EPS15: variants seen among roughly 807,000 people sequenced by gnomAD.
EPS15 encodes epidermal growth factor receptor substrate 15.
EPS15 carries 72 observed loss-of-function variants against 113.8 expected under a neutral mutation model. That is an observed-to-expected ratio of 0.63 (90% CI 0.52 to 0.77). The LOEUF is 0.77. Among genes scored for constraint, EPS15 ranks in the 30% least tolerant of loss-of-function variants. The pLI, the probability that EPS15 is intolerant of heterozygous loss-of-function variation, is 0.00. For missense variants in EPS15, 1,048 were observed against 1,045.8 expected (o/e 1.00, Z -0.03); for synonymous variants, 344 against 363.4 (o/e 0.95, Z 0.61).
At chr1:51,393,947 A>G (rs1647648643) in intron 21 of EPS15, among the ~76,000 whole-genome samples, 1 of 152,220 alleles carries the variant, frequency 6.6e-6, no homozygotes. Flanking sequence ...TGAAGTATGA[A>G]GACTGGATGC....
intron 9 of EPS15, among the ~76,000 whole-genome samples, chr1:51,447,784 G>C (rs1443932410): frequency 6.6e-6 from 1 of 152,150 alleles, no homozygotes; most frequent in Non-Finnish European, 1.5e-5. Context: ...AGGAATATCT[G>C]TCTTCTCTGG....
intron 19 of EPS15, among the ~76,000 whole-genome samples, chr1:51,400,269 G>C (rs199624526): frequency 6.6e-6 from 1 of 152,128 alleles, no homozygotes; most frequent in South Asian, 2.1e-4. Context: ...TATAATCTTA[G>C]GAAAACAAAA....
intron 4 of EPS15, 43 bp from the exon 5 acceptor site, chr1:51,468,611 C>A: frequency 8.1e-7 from 1 of 1,229,138 alleles, no homozygotes; most frequent in Non-Finnish European, 1.2e-6. Flanking sequence ...TCTCCCTCTA[C>A]CAACTTACCT....
intron 1 of EPS15, among the ~76,000 whole-genome samples, chr1:51,512,490 CA>C (rs1012294320): frequency 2.0e-5 from 3 of 149,702 alleles, no homozygotes; most frequent in Non-Finnish European, 3.0e-5. Flanking sequence ...ATGCCAAAAA[CA>C]AAAAAAAATT....
At position 51,409,743 on chromosome 1, in the gene EPS15, G is replaced by T. The variant is rs756194508; in HGVS notation, c.1114-47C>A. The T allele has an allele frequency of 8.8e-6, 12 of 1,362,036 alleles. No individual in the cohort carries two copies. In the East Asian group the frequency reaches 9.2e-5, roughly 10 times the overall value. The allele number at this position is 1,362,036 out of a possible 1,614,324, so 84.4% of individuals were successfully genotyped here. A position where few individuals can be genotyped will look rare whatever the true frequency, so the allele number is the denominator to read the frequency against. ...ATATTTATTTTCTTTGCGGGCAGGGGAGGGTTAAGTTAGTAATTTTAAATC... is the reference window on the plus strand; with the variant it reads ...ATATTTATTTTCTTTGCGGGCAGGGTAGGGTTAAGTTAGTAATTTTAAATC... On this transcript the variant is annotated intron_variant, in intron 13 of 24. Transcript: ENST00000371733.
chr1:51,406,074 T>A lies in EPS15; in HGVS notation c.1508A>T (p.Glu503Val). The A allele has an allele frequency of 6.2e-7, 1 of 1,613,952 alleles. No homozygotes were observed. Among genetic ancestry groups the A allele is most frequent in the Non-Finnish European group, 8.5e-7 (1 of 1,179,942 alleles). The change falls in exon 16 of 25, where the codon GAA becomes GTA. Residue 503 changes from glutamate (E) to valine (V), a missense_variant. Transcript: ENST00000371733. The part of the protein sequence containing the change: ...QMKLMEMKDL[E>V]NHNSQLNWCS... ...CCAATTTAACTGACTATTATGATTT[T>A]CCAAATCTTTCATTTCCATCAGTTT...
In EPS15 at chr1:51,468,588, A is replaced by C. The variant is rs367768532; in HGVS notation, c.214-20T>G. On this transcript the variant is annotated intron_variant, in intron 4 of 24. Coordinates refer to ENST00000371733, the MANE Select transcript of EPS15 (RefSeq NM_001981.3). ...GAATTCCTAAGAAAGAAAAGTATGAATGTTAAGAGCATTCTCCCTCTACCA... is the reference window on the plus strand; with the variant it reads ...GAATTCCTAAGAAAGAAAAGTATGACTGTTAAGAGCATTCTCCCTCTACCA... 3.3e-6 allele frequency: 5 copies of C among 1,534,296 alleles called. No individual in the cohort carries two copies. The African/African-American group carries it at 4.1e-5, about 13-fold the overall frequency.
At chr1:51,505,434 T>A (rs978199812) in intron 1 of EPS15, among the ~76,000 whole-genome samples, 9 of 152,208 alleles carry the variant, frequency 5.9e-5, no homozygotes, top group African/African-American at 2.2e-4. Context: ...GTATATGTAT[T>A]ATATTATTCC....
At chr1:51,405,881 AG>A (rs1649072665) in intron 16 of EPS15, 23 bp downstream of exon 16, 1 of 1,596,088 alleles carries the variant, frequency 6.3e-7, no homozygotes. Context: ...TTGATTATGA[AG>A]GTTATGAAAG....
intron 12 of EPS15, among the ~76,000 whole-genome samples, chr1:51,435,524 G>T (rs985397322): frequency 6.6e-6 from 1 of 152,122 alleles, no homozygotes; most frequent in Non-Finnish European, 1.5e-5. Context: ...TTCAAAATAA[G>T]CTATTATTCA....
In EPS15 at chr1:51,461,169, GA is replaced by G; in HGVS notation, c.502-20del. The G allele has an allele frequency of 1.3e-6, 2 of 1,532,892 alleles. No individual in the cohort carries two copies. Among genetic ancestry groups the G allele is most frequent in the Non-Finnish European group, 1.8e-6 (2 of 1,107,484 alleles). 95.0% of individuals were successfully genotyped at this position (1,532,892 alleles called of 1,614,324 possible). A position where few individuals can be genotyped will look rare whatever the true frequency, so the allele number is the denominator to read the frequency against. On this transcript the variant is annotated intron_variant, in intron 7 of 24. Coordinates refer to ENST00000371733, the MANE Select transcript of EPS15 (RefSeq NM_001981.3). ...CCCAAACCTTAAAAAGAGAATAATT[GA>G]AAAAAGATTAATGTTCTTTCAGTTC... is the stretch of plus-strand genomic sequence containing the variant.
Position 51,365,960 on chromosome 1 carries a change from A to G in EPS15, c.2189T>C (p.Leu730Ser), listed in dbSNP as rs750681383. Residue 730 changes from leucine to serine, a missense_variant, in exon 22 of 25, where the codon TTG becomes TCG. Leu to Ser is a moderately radical substitution (Grantham distance 145). Coordinates refer to ENST00000371733, the MANE Select transcript of EPS15 (RefSeq NM_001981.3). ...FGGGFADFST[L>S]SKVNNEDPFR... ...TTAATTACTGTAGATTACCTTTGAC[A>G]ATGTGCTGAAGTCAGCAAATCCACC... 7 of 1,605,324 alleles carry G rather than the reference A, an allele frequency of 4.4e-6. No homozygotes were observed. Among genetic ancestry groups the G allele is most frequent in the Non-Finnish European group, 6.0e-6 (7 of 1,173,668 alleles).
intron 1 of EPS15, among the ~76,000 whole-genome samples, chr1:51,494,047 A>G (rs1294529220): frequency 6.6e-6 from 1 of 152,096 alleles, no homozygotes; most frequent in Non-Finnish European, 1.5e-5. Context: ...ACCCTACATC[A>G]AATTTAGTAA....
chr1:51,370,578 C>T (rs1646622650), intron 21 of EPS15, among the ~76,000 whole-genome samples: 1 of 151,178 alleles, frequency 6.6e-6, no homozygotes, highest in African/African-American at 2.4e-5. Context: ...ATTTACTATA[C>T]TATAGTTTTT....
chr1:51,421,895 A>AC, intron 12 of EPS15, 37 bp from the exon 13 acceptor site: 1 of 1,609,862 alleles, frequency 6.2e-7, no homozygotes, highest in Non-Finnish European at 8.5e-7. Context: ...ATATTTTAGA[A>AC]CATCAGCTAC....
At chr1:51,489,650 T>G (rs954831321) in intron 1 of EPS15, among the ~76,000 whole-genome samples, 5 of 152,106 alleles carry the variant, frequency 3.3e-5, no homozygotes, top group African/African-American at 1.2e-4. Flanking sequence ...CTCTCTCTCT[T>G]TAAGAGTAGT....
chr1:51,480,420 T>G (rs1159595027), intron 2 of EPS15, among the ~76,000 whole-genome samples: 1 of 152,256 alleles, frequency 6.6e-6, no homozygotes, highest in Non-Finnish European at 1.5e-5. Flanking sequence ...TAGAAACTGA[T>G]AGCGATGCAA....
At chr1:51,387,291 A>G (rs896228721) in intron 21 of EPS15, among the ~76,000 whole-genome samples, 14 of 152,060 alleles carry the variant, frequency 9.2e-5, no homozygotes, top group South Asian at 4.2e-4. Flanking sequence ...TCACCACCAG[A>G]CCTGCCCTAA....
chr1:51,359,357 T>C (rs1308537796), intron 24 of EPS15, among the ~76,000 whole-genome samples: 1 of 150,242 alleles, frequency 6.7e-6, no homozygotes, highest in Non-Finnish European at 1.5e-5. Flanking sequence ...GGCAGGAGAA[T>C]TGCTTGAACC....
Sources: allele counts gnomAD v4.1 joint callset (sites outside exome capture counted in the v4.1 genomes callset), GRCh38; gene constraint gnomAD v4.1.1; transcripts MANE v1.5; gene names NCBI Gene and HGNC (gene_info 2026-07-23, HGNC 2026-07-21).